The following SLAIN2 variants were observed in gnomAD, a reference collection of about 807,000 sequenced individuals.
SLAIN2 encodes SLAIN family member 2, also known as SLAIN motif-containing protein 2.
SLAIN2 carries 31 observed loss-of-function variants against 56.6 expected under a neutral mutation model. That is an observed-to-expected ratio of 0.55 (90% CI 0.41 to 0.74). The LOEUF is 0.74. Ranked by LOEUF, SLAIN2 falls within the 30% of genes least tolerant of loss-of-function variation. SLAIN2 has a pLI of 0.00. For missense variants in SLAIN2, 777 were observed against 754.2 expected (o/e 1.03, Z -0.35); for synonymous variants, 317 against 284.9 (o/e 1.11, Z -1.13).
At position 48,425,032 on chromosome 4, in the gene SLAIN2, G is replaced by A. The variant is rs1235673693; in HGVS notation, c.*2955G>A. On this transcript the variant is annotated 3_prime_UTR_variant, in exon 8 of 8. Transcript: ENST00000264313. ...ATTATTAAATTTATATTCTTTAAGT[G>A]TTTAATTAATCTCTGGATATGGTAA... 6.6e-6 allele frequency: 1 copy of A among 152,020 alleles called. No homozygotes were observed. Among genetic ancestry groups the A allele is most frequent in the Non-Finnish European group, 1.5e-5 (1 of 67,964 alleles). The allele number at this position is 152,020 out of a possible 1,614,324, so 9.4% of individuals were successfully genotyped here.
In SLAIN2 at chr4:48,408,551, T is replaced by A. The variant is rs1422281279; in HGVS notation, c.1361-11574T>A. The stretch of plus-strand genomic sequence containing the variant: ...TTAGCAAAAAAAAAAAAAAAAAAAA[T>A]TCAGGTGAAATAAATAAAAATTTAA... On this transcript the variant is annotated intron_variant, in intron 6 of 7. Transcript: ENST00000264313. Among the ~76,000 whole-genome samples the A allele has an allele frequency of 1.9e-3, 198 of 101,830 alleles. 1 individual carries two copies. Among genetic ancestry groups the A allele is most frequent in the Non-Finnish European group, 3.4e-3 (152 of 44,704 alleles). 66.8% of individuals were successfully genotyped at this position (101,830 alleles called of 152,430 possible). A position where few individuals can be genotyped will look rare whatever the true frequency, so the allele number is the denominator to read the frequency against.
At chr4:48,359,103 G>A (rs1715248283) in intron 1 of SLAIN2, among the ~76,000 whole-genome samples, 1 of 152,036 alleles carries the variant, frequency 6.6e-6, no homozygotes, top group Non-Finnish European at 1.5e-5. Context: ...TCTCAAAGTG[G>A]CCACTTTAAT....
chr4:48,378,724 A>G (rs1486240373), intron 3 of SLAIN2, among the ~76,000 whole-genome samples: 1 of 152,174 alleles, frequency 6.6e-6, no homozygotes, highest in East Asian at 1.9e-4. Context: ...TGTGTAGTAT[A>G]TAGGTTGTTA....
At chr4:48,411,113 T>C (rs1044609373) in intron 6 of SLAIN2, among the ~76,000 whole-genome samples, 1 of 152,012 alleles carries the variant, frequency 6.6e-6, no homozygotes, top group African/African-American at 2.4e-5. Context: ...TGTGTGTATG[T>C]GTGTGTGTGT....
intron 6 of SLAIN2, among the ~76,000 whole-genome samples, chr4:48,401,676 A>G (rs1432534875): frequency 6.6e-6 from 1 of 152,036 alleles, no homozygotes; most frequent in Non-Finnish European, 1.5e-5. Context: ...GTGTCTTTGC[A>G]TGTGAGATGG....
chr4:48,365,707 G>T (rs960705821), intron 1 of SLAIN2, among the ~76,000 whole-genome samples: 5 of 151,822 alleles, frequency 3.3e-5, no homozygotes, highest in African/African-American at 1.2e-4. Context: ...GATTACAGGT[G>T]CCTGCCACCA....
Position 48,341,667 on chromosome 4 carries a change from C to G in SLAIN2, c.-73C>G. The G allele has an allele frequency of 1.3e-6, 2 of 1,492,206 alleles. No homozygotes were observed. Among genetic ancestry groups the G allele is most frequent in the East Asian group, 2.8e-5 (1 of 36,126 alleles). 92.4% of individuals were successfully genotyped at this position (1,492,206 alleles called of 1,614,324 possible). A position where few individuals can be genotyped will look rare whatever the true frequency, so the allele number is the denominator to read the frequency against. On this transcript the variant is annotated 5_prime_UTR_variant, in exon 1 of 8. Transcript: ENST00000264313. ...GCTAGAGTGAGCGGCGGCGACGCCT[C>G]TTTCCTCCGTCTCTTTCCCTGTCGC...
chr4:48,418,403 C>T (rs149825607), intron 6 of SLAIN2, among the ~76,000 whole-genome samples: 53 of 151,786 alleles, frequency 3.5e-4, no homozygotes, highest in African/African-American at 1.1e-3. Context: ...TTTTTGAGTC[C>T]GCTGTTACAA....
chr4:48,396,778 T>C (rs1577730445), intron 6 of SLAIN2, among the ~76,000 whole-genome samples: 2 of 152,206 alleles, frequency 1.3e-5, no homozygotes, highest in African/African-American at 4.8e-5. Flanking sequence ...GACAGGATCA[T>C]GGGAGGAGGA....
At chr4:48,367,801 A>G (rs1489102657) in intron 1 of SLAIN2, among the ~76,000 whole-genome samples, 3 of 152,292 alleles carry the variant, frequency 2.0e-5, no homozygotes, top group East Asian at 1.9e-4. Flanking sequence ...CTTATAATCA[A>G]CATACCATAA....
chr4:48,405,364 T>C (rs558348066), intron 6 of SLAIN2, among the ~76,000 whole-genome samples: 1 of 152,344 alleles, frequency 6.6e-6, no homozygotes, highest in South Asian at 2.1e-4. Context: ...TTTTGCCTTT[T>C]TGATATGTCT....
At chr4:48,345,501 T>G (rs866459944) in intron 1 of SLAIN2, among the ~76,000 whole-genome samples, 12 of 147,310 alleles carry the variant, frequency 8.1e-5, no homozygotes, top group African/African-American at 1.3e-4. Context: ...TCAAATGCTG[T>G]TTTTTTTTTA....
intron 1 of SLAIN2, among the ~76,000 whole-genome samples, chr4:48,366,974 T>G (rs1715538563): frequency 6.6e-6 from 1 of 152,144 alleles, no homozygotes; most frequent in East Asian, 1.9e-4. Context: ...ATGAAAAAAA[T>G]GTCTTTAGTG....
intron 6 of SLAIN2, among the ~76,000 whole-genome samples, chr4:48,390,924 A>C (rs16861281): frequency 0.091 from 13,865 of 152,222 alleles, 2,107 homozygotes; most frequent in African/African-American, 0.32. Context: ...TACACAGAGA[A>C]AATCTTCAGC....
At chr4:48,390,066 TTTTC>T (rs1716196421) in intron 6 of SLAIN2, among the ~76,000 whole-genome samples, 1 of 146,052 alleles carries the variant, frequency 6.8e-6, no homozygotes, top group Non-Finnish European at 1.5e-5. Flanking sequence ...ATGAATTTTG[TTTTC>T]TTTTTTTCTT....
At chr4:48,371,292 T>G (rs1715658177) in intron 2 of SLAIN2, among the ~76,000 whole-genome samples, 1 of 151,996 alleles carries the variant, frequency 6.6e-6, no homozygotes, top group Non-Finnish European at 1.5e-5. Flanking sequence ...AGGCTGGTCT[T>G]GAACTCCCGA....
chr4:48,348,230 T>C (rs1714922296), intron 1 of SLAIN2, among the ~76,000 whole-genome samples: 1 of 151,986 alleles, frequency 6.6e-6, no homozygotes, highest in Admixed American at 6.6e-5. Context: ...ATAGAGCTGT[T>C]TTTGGATGAT....
chr4:48,382,770 G>A lies in SLAIN2; in HGVS notation c.1065G>A (p.Lys355=). The A allele has an allele frequency of 6.2e-7, 1 of 1,613,688 alleles. No homozygotes were observed. The highest frequency in any genetic ancestry group is 8.5e-7 in the Non-Finnish European group (1 of 1,179,860). The change falls in exon 5 of 8, where the codon AAG becomes AAA. Residue 355 remains lysine (K), a synonymous_variant. Coordinates refer to ENST00000264313, the MANE Select transcript of SLAIN2 (RefSeq NM_020846.2). The part of the protein sequence containing the change: ...SPRNSPRPSP[K]QSPRNSPRSR... ...GCAATTCACCTCGACCGTCACCTAAGCAGTCACCCAGAAATTCACCTCGTT... is the reference window on the plus strand; with the variant it reads ...GCAATTCACCTCGACCGTCACCTAAACAGTCACCCAGAAATTCACCTCGTT...
intron 6 of SLAIN2, among the ~76,000 whole-genome samples, chr4:48,391,542 T>A (rs531756025): frequency 4.6e-5 from 7 of 152,334 alleles, no homozygotes; most frequent in African/African-American, 1.4e-4. Context: ...AACTTGGTTT[T>A]ATTTTTGTTT....
Sources: allele counts gnomAD v4.1 joint callset (sites outside exome capture counted in the v4.1 genomes callset), GRCh38; gene constraint gnomAD v4.1.1; transcripts MANE v1.5; gene names NCBI Gene and HGNC (gene_info 2026-07-23, HGNC 2026-07-21).